Variants in UACA observed in about 807,000 individuals in gnomAD.
UACA encodes nuclear membrane binding protein.
Under a neutral mutation model 160.5 loss-of-function variants are expected in UACA, and 112 were observed. The ratio of observed to expected loss-of-function variants is 0.70; its 90% CI spans 0.60 to 0.82. The LOEUF is 0.82. Among genes scored for constraint, UACA ranks in the 40% least tolerant of loss-of-function variants. The probability of loss-of-function intolerance (pLI) is 0.00; values close to 1 mark genes in which losing one functional copy is unlikely to be tolerated. For synonymous variants in UACA, 557 were observed against 568.4 expected, an observed-to-expected ratio of 0.98 and a Z score of 0.29; for missense variants, 1,574 against 1,614.6, an observed-to-expected ratio of 0.97 and a Z score of 0.43.
chr15:70,695,583 C>T (rs1898100218), intron 2 of UACA, among the ~76,000 whole-genome samples: 1 of 152,146 alleles, frequency 6.6e-6, no homozygotes, highest in Admixed American at 6.5e-5. Flanking sequence ...TTAGAAAAGC[C>T]TTCAAAACAA....
chr15:70,708,753 G>C (rs1340673250), intron 1 of UACA, among the ~76,000 whole-genome samples: 1 of 152,172 alleles, frequency 6.6e-6, no homozygotes, highest in Non-Finnish European at 1.5e-5. Flanking sequence ...TTACAGGTGT[G>C]AGCCACTGTG....
At chr15:70,775,944 G>A in the UACA span, among the ~76,000 whole-genome samples, 18 of 152,202 alleles carry the variant, frequency 1.2e-4, no homozygotes, top group East Asian at 1.9e-4. Context: ...TGATTGTTAC[G>A]TGAACTTTCA....
At chr15:70,682,991 A>G (rs1465658969) in intron 8 of UACA, among the ~76,000 whole-genome samples, 196 bp from the exon 9 acceptor site, 2 of 152,200 alleles carry the variant, frequency 1.3e-5, no homozygotes, top group African/African-American at 2.4e-5. Flanking sequence ...CTATCAAATT[A>G]GCAAAATTTT....
intron 1 of UACA, among the ~76,000 whole-genome samples, chr15:70,724,385 C>A (rs532366003): frequency 6.6e-6 from 1 of 152,096 alleles, no homozygotes; most frequent in African/African-American, 2.4e-5. Flanking sequence ...GAAAAAGTTA[C>A]ACCCTTCAGA....
At position 70,699,558 on chromosome 15, in the gene UACA, G is replaced by C. The variant is rs1339574450; in HGVS notation, c.181C>G (p.Pro61Ala). 6.2e-7 allele frequency: 1 copy of C among 1,609,482 alleles called. No homozygotes were observed. The highest frequency in any genetic ancestry group is 8.5e-7 in the Non-Finnish European group (1 of 1,178,948). ...TSILAKKGVN[P>A]GKLDVEGRSV... ...CTGCCTTCCACATCTAGTTTGCCTG[G>C]ATTGACCCCCTTTTTAGCAAGGATT... Residue 61 changes from proline (P) to alanine (A), a missense_variant, in exon 2 of 19, where the codon CCA (proline) becomes GCA (alanine). Transcript: ENST00000322954.
At chr15:70,666,640 G>A (rs1896916694) in intron 16 of UACA, 84 bp downstream of exon 16, 9 of 1,147,426 alleles carry the variant, frequency 7.8e-6, no homozygotes, top group Middle Eastern at 2.3e-4. Context: ...TAATACCTGT[G>A]TCTACTTTCC....
chr15:70,751,685 T>C lies in UACA; in HGVS notation c.78+11645A>G, dbSNP rs557763250. ...ACCCAAGACGTGCAGGCTGCAGAGTTTGACCCTGTATCATCAATGTGCTAA... is the reference window on the plus strand; with the variant it reads ...ACCCAAGACGTGCAGGCTGCAGAGTCTGACCCTGTATCATCAATGTGCTAA... On this transcript the variant is annotated intron_variant, in intron 1 of 18. Coordinates refer to ENST00000322954, the MANE Select transcript of UACA (RefSeq NM_018003.4). Among the ~76,000 whole-genome samples the C allele has an allele frequency of 3.2e-4, 48 of 152,262 alleles. No homozygotes were observed. The South Asian group carries it at 1.0e-2, about 32-fold the overall frequency.
upstream of UACA, among the ~76,000 whole-genome samples, chr15:70,767,157 G>A (rs370707950): frequency 8.8e-5 from 13 of 147,822 alleles, no homozygotes; most frequent in Non-Finnish European, 1.5e-4. Flanking sequence ...GGAGAATGGC[G>A]TGAACCTGGG....
At position 70,666,549 on chromosome 15, in the gene UACA, T is replaced by C. The variant is rs79834808; in HGVS notation, c.3960+175A>G. Among the ~76,000 whole-genome samples the C allele has an allele frequency of 0.027, 4,169 of 152,336 alleles. 83 individuals are homozygous for C. Among genetic ancestry groups the C allele is most frequent in the Middle Eastern group, 0.051 (15 of 294 alleles). ...TAAAGAAACAGAAGGAAAAATGCTT[T>C]TGACTTTTGTGTTACTTCACTTTTT... On this transcript the variant is annotated intron_variant, in intron 16 of 18. Coordinates refer to ENST00000322954, the MANE Select transcript of UACA (RefSeq NM_018003.4).
intron 8 of UACA, among the ~76,000 whole-genome samples, chr15:70,683,296 T>G (rs528366467): frequency 6.6e-6 from 1 of 151,992 alleles, no homozygotes; most frequent in South Asian, 2.1e-4. Context: ...GAGTTTGAGA[T>G]TGCAGTGAGC....
At chr15:70,702,342 G>C in intron 1 of UACA, 6 of 987,568 alleles carry the variant, frequency 6.1e-6, no homozygotes, top group Non-Finnish European at 7.2e-6. Context: ...CCGGTAAACA[G>C]CGTGGAGCCT....
chr15:70,717,455 C>G (rs1302331989), intron 1 of UACA, among the ~76,000 whole-genome samples: 1 of 152,210 alleles, frequency 6.6e-6, no homozygotes, highest in Non-Finnish European at 1.5e-5. Flanking sequence ...AACTCTGCCA[C>G]TGTAAACTAA....
chr15:70,767,022 C>T (rs1048414553), upstream of UACA, among the ~76,000 whole-genome samples: 2 of 151,720 alleles, frequency 1.3e-5, no homozygotes, highest in African/African-American at 2.4e-5. Flanking sequence ...GGGTGGATCA[C>T]GGGGTCAGGA....
intron 1 of UACA, among the ~76,000 whole-genome samples, chr15:70,705,703 CAA>C (rs1898506009): frequency 1.3e-5 from 2 of 151,876 alleles, no homozygotes; most frequent in African/African-American, 4.8e-5. Flanking sequence ...GTTTCTTAAA[CAA>C]AATACGGCAA....
intron 5 of UACA, among the ~76,000 whole-genome samples, chr15:70,690,151 T>A (rs1897877559): frequency 6.6e-6 from 1 of 151,490 alleles, no homozygotes; most frequent in African/African-American, 2.4e-5. Context: ...TCTCTCTCTG[T>A]TTCCCTCTCT....
chr15:70,743,479 G>A (rs1008996273), intron 1 of UACA, among the ~76,000 whole-genome samples: 17 of 152,094 alleles, frequency 1.1e-4, no homozygotes, highest in South Asian at 2.1e-4. Flanking sequence ...TTCACTGCGC[G>A]TTGCAGTCAA....
At chr15:70,682,646 GAGAT>G (rs1228256379) in intron 9 of UACA, 108 bp downstream of exon 9, 3 of 533,726 alleles carry the variant, frequency 5.6e-6, no homozygotes, top group Non-Finnish European at 6.0e-6. Flanking sequence ...ACTGAGAAGA[GAGAT>G]AGAACGCATT....
In UACA at chr15:70,703,285, C is replaced by CA; in HGVS notation, c.79-3626dup. ...TTGTGAAAATTGTTTCATGGGAATG[C>CA]AAAACATTCCAACACAAGTGTTTAC... On this transcript the variant is annotated intron_variant, in intron 1 of 18. Transcript: ENST00000322954. The CA allele has an allele frequency of 4.7e-6, 6 of 1,285,078 alleles. No individual in the cohort carries two copies. The South Asian group carries it at 6.2e-5, about 13-fold the overall frequency. The allele number at this position is 1,285,078 out of a possible 1,614,324, so 79.6% of individuals were successfully genotyped here.
At chr15:70,665,546 G>C (rs1896873119) in intron 16 of UACA, among the ~76,000 whole-genome samples, 1 of 151,964 alleles carries the variant, frequency 6.6e-6, no homozygotes. Flanking sequence ...TTCAAGACCA[G>C]CCTGGGCAAT....
Sources: gnomAD v4.1 joint callset for allele counts (sites outside exome capture counted in the v4.1 genomes callset) on GRCh38, gnomAD v4.1.1 for gene constraint, MANE v1.5 for transcripts, NCBI Gene and HGNC (gene_info 2026-07-23, HGNC 2026-07-21) for gene names.